Variants in ZDHHC7 observed in about 807,000 individuals in gnomAD.
ZDHHC7 encodes the protein zDHHC palmitoyltransferase 7.
Under a neutral mutation model 34.1 loss-of-function variants are expected in ZDHHC7, and 12 were observed. That is an observed-to-expected ratio of 0.35 (90% CI 0.23 to 0.57). ZDHHC7 has a LOEUF of 0.57. Ranked by LOEUF, ZDHHC7 falls within the 20% of genes least tolerant of loss-of-function variation. The probability of loss-of-function intolerance (pLI) is 0.84; values close to 1 mark genes in which losing one functional copy is unlikely to be tolerated. For missense variants in ZDHHC7, 388 were observed against 402.7 expected, an observed-to-expected ratio of 0.96 and a Z score of 0.31; for synonymous variants, 185 against 155.4, an observed-to-expected ratio of 1.19 and a Z score of -1.42.
At chr16:85,014,527 T>C (rs1270721316), upstream of ZDHHC7, among the ~76,000 whole-genome samples, 2 of 152,070 alleles carry the variant, frequency 1.3e-5, no homozygotes, top group African/African-American at 4.8e-5. Context: ...AGATTAGTGA[T>C]TGGAAGGGGA....
chr16:84,990,771 C>T, intron 2 of ZDHHC7, 136 bp from the exon 3 acceptor site: 1 of 714,108 alleles, frequency 1.4e-6, no homozygotes, highest in Non-Finnish European at 2.3e-6. Flanking sequence ...AACATAAAAA[C>T]ATAACTAAGA....
intron 3 of ZDHHC7, among the ~76,000 whole-genome samples, chr16:84,989,361 A>G (rs1464994425): frequency 2.0e-5 from 3 of 152,260 alleles, no homozygotes; most frequent in Admixed American, 6.5e-5. Context: ...AGCCACGTGC[A>G]GACCACATTC....
At chr16:84,998,696 C>A (rs888236962) in intron 1 of ZDHHC7, among the ~76,000 whole-genome samples, 5 of 151,834 alleles carry the variant, frequency 3.3e-5, no homozygotes, top group Admixed American at 1.3e-4. Flanking sequence ...TAGACAAACA[C>A]TGACACAGCA....
rs2072571432 is a variant in ZDHHC7 at position 84,995,955 on chromosome 16, T to C, written c.-51A>G. 1 of 152,230 alleles carries C rather than the reference T, an allele frequency of 6.6e-6. No individual in the cohort carries two copies. The allele number at this position is 152,230 out of a possible 1,614,324, so 9.4% of individuals were successfully genotyped here. A position where few individuals can be genotyped will look rare whatever the true frequency, so the allele number is the denominator to read the frequency against. Reference sequence around the variant, plus strand: ...TTATTTCTAAACATCACTTGAACATTTTGTGCCGTTTCTTCAGGATCTTAA... The same window carrying C: ...TTATTTCTAAACATCACTTGAACATCTTGTGCCGTTTCTTCAGGATCTTAA... On this transcript the variant is annotated 5_prime_UTR_variant, in exon 2 of 8. Transcript: ENST00000313732.
At chr16:84,996,993 T>C (rs541134295) in intron 1 of ZDHHC7, among the ~76,000 whole-genome samples, 1 of 147,528 alleles carries the variant, frequency 6.8e-6, no homozygotes, top group South Asian at 2.2e-4. Context: ...ACCACTGCAC[T>C]CCAGCCTGGG....
At chr16:84,977,643 C>A (rs2072315223) in intron 6 of ZDHHC7, among the ~76,000 whole-genome samples, 1 of 152,212 alleles carries the variant, frequency 6.6e-6, no homozygotes, top group African/African-American at 2.4e-5. Context: ...CACCTATTTT[C>A]ACTACACTTG....
At chr16:84,999,484 T>C (rs185268293) in intron 1 of ZDHHC7, among the ~76,000 whole-genome samples, 1 of 152,128 alleles carries the variant, frequency 6.6e-6, no homozygotes, top group Admixed American at 6.5e-5. Flanking sequence ...CAACAGGAAA[T>C]AGATAACAAA....
rs568234381 is a variant in ZDHHC7, at chr16:84,978,139, G to A, written c.538-134C>T. On this transcript the variant is annotated intron_variant, in intron 5 of 7. Transcript: ENST00000313732. ...TGCAACCTCCGCCTGCCAGACTCAA[G>A]CGATTCTCCTGCCTCAGCCTCTCAA... The A allele has an allele frequency of 3.0e-5, 18 of 594,132 alleles. No individual in the cohort carries two copies. In the African/African-American group the frequency reaches 3.3e-4, roughly 11 times the overall value. 36.8% of individuals were successfully genotyped at this position (594,132 alleles called of 1,614,324 possible).
At position 84,981,965 on chromosome 16, in the gene ZDHHC7, T is replaced by C. The variant is rs141849334; in HGVS notation, c.345A>G (p.Lys115=). The C allele has an allele frequency of 1.1e-4, 182 of 1,614,194 alleles. 1 individual carries two copies. In the African/African-American group the frequency reaches 2.3e-3, roughly 20 times the overall value. ...TCAGCTGCAAGCTCTCCATGTATTC[T>C]TTCGTAGCGTTTCCTTTGGGTACTG... is the stretch of plus-strand genomic sequence containing the variant. The part of the protein sequence containing the change: ...PGAVPKGNAT[K]EYMESLQLKP... The change falls in exon 4 of 8, where the codon AAA becomes AAG. Residue 115 remains lysine, a synonymous_variant. Coordinates refer to ENST00000313732, the MANE Select transcript of ZDHHC7 (RefSeq NM_017740.3).
At chr16:85,012,670 C>T (rs1355389853), upstream of ZDHHC7, among the ~76,000 whole-genome samples, 1 of 151,912 alleles carries the variant, frequency 6.6e-6, no homozygotes, top group Non-Finnish European at 1.5e-5. Flanking sequence ...TGTAGGAGGC[C>T]GAGGCAGGCA....
intron 2 of ZDHHC7, among the ~76,000 whole-genome samples, chr16:84,992,434 C>T (rs958246170): frequency 2.0e-5 from 3 of 152,184 alleles, no homozygotes; most frequent in African/African-American, 4.8e-5. Flanking sequence ...GATCGTACCA[C>T]GGCACTCCAG....
intron 6 of ZDHHC7, among the ~76,000 whole-genome samples, chr16:84,977,520 G>C (rs1222707870): frequency 6.6e-6 from 1 of 152,260 alleles, no homozygotes; most frequent in African/African-American, 2.4e-5. Context: ...GACCAGAAGA[G>C]TTGTGTGCAC....
At chr16:84,994,135 C>CCCGGCCTGATGTCAGCCCCT (rs1258898391) in intron 2 of ZDHHC7, among the ~76,000 whole-genome samples, 5 of 152,234 alleles carry the variant, frequency 3.3e-5, no homozygotes, top group Non-Finnish European at 7.3e-5. Context: ...GGTCCGACCT[C>CCCGGCCTGATGTCAGCCCCT]CCGGCCTGAT....
Position 84,990,573 on chromosome 16 carries a change from G to C in ZDHHC7, c.46C>G (p.Leu16Val). 6.2e-7 allele frequency: 1 copy of C among 1,614,130 alleles called. No individual in the cohort carries two copies. The highest frequency in any genetic ancestry group is 2.2e-5 in the East Asian group (1 of 44,876). Residue 16 changes from leucine to valine, a missense_variant, in exon 3 of 8, where the codon CTC (leucine) becomes GTC (valine). By Grantham distance (32) the Leu-to-Val change is conservative. Transcript: ENST00000313732. ...TCATAGTTGTCATTTTCAGCCAGGA[G>C]AGGATGATGCTCGACGTCCCGGAGC... ...HRLRDVEHHPLLAENDNYDSS... is the reference protein window; with the variant it reads ...HRLRDVEHHPVLAENDNYDSS...
At chr16:85,011,244 C>T (rs979934109) in intron 1 of ZDHHC7, 42 bp downstream of exon 1, 1 of 152,176 alleles carries the variant, frequency 6.6e-6, no homozygotes, top group Non-Finnish European at 1.5e-5. Context: ...GCCGGGAGAC[C>T]CGGGAGTGAG....
At chr16:85,010,665 G>A (rs994178786) in intron 1 of ZDHHC7, among the ~76,000 whole-genome samples, 19 of 149,152 alleles carry the variant, frequency 1.3e-4, no homozygotes, top group Admixed American at 1.1e-3. Context: ...TTCTTCATAA[G>A]CTAATAAAGT....
At position 84,990,290 on chromosome 16, in the gene ZDHHC7, C is replaced by T. The variant is rs773435827; in HGVS notation, c.315+14G>A. 2 of 1,610,724 alleles carry T rather than the reference C, an allele frequency of 1.2e-6. No individual in the cohort carries two copies. Among genetic ancestry groups the T allele is most frequent in the East Asian group, 2.2e-5 (1 of 44,826 alleles). On this transcript the variant is annotated intron_variant, in intron 3 of 7. Coordinates refer to ENST00000313732, the MANE Select transcript of ZDHHC7 (RefSeq NM_017740.3). The stretch of plus-strand genomic sequence containing the variant: ...GACACAAGAGAGCCACCCAGAGACG[C>T]AGCCAGTACTCACAGGGTCGGTGAG...
At chr16:84,979,875 C>T (rs541872942) in intron 4 of ZDHHC7, among the ~76,000 whole-genome samples, 116 of 151,528 alleles carry the variant, frequency 7.7e-4, no homozygotes, top group African/African-American at 2.7e-3. Context: ...TCCAAGCTTG[C>T]ACCATTTAAT....
At chr16:85,011,606 C>A (rs925328711), upstream of ZDHHC7, 1 of 152,222 alleles carries the variant, frequency 6.6e-6, no homozygotes, top group African/African-American at 2.4e-5. Context: ...GAGGGGCGCT[C>A]GAGGCGGTTT....
Sources: allele counts gnomAD v4.1 joint callset (sites outside exome capture counted in the v4.1 genomes callset), GRCh38; gene constraint gnomAD v4.1.1; transcripts MANE v1.5; gene names NCBI Gene and HGNC (gene_info 2026-07-23, HGNC 2026-07-21).